RASAL1: variants seen among roughly 807,000 people sequenced by gnomAD.
RASAL1 encodes the protein RAS protein activator like 1, also known as rasGAP-activating-like protein 1.
RASAL1 carries 72 observed loss-of-function variants against 96.6 expected under a neutral mutation model. That is an observed-to-expected ratio of 0.75 (90% confidence interval 0.62 to 0.91). The LOEUF (loss-of-function observed/expected upper bound fraction) is 0.91. RASAL1 is among the 40% of genes least tolerant of loss of function. RASAL1 has a pLI of 0.00. For missense variants in RASAL1, 1,016 were observed against 1,072.5 expected (o/e 0.95, Z 0.74); for synonymous variants, 405 against 430.4 (o/e 0.94, Z 0.73).
At chr12:113,123,276 C>T (rs184131828) in intron 4 of RASAL1, among the ~76,000 whole-genome samples, 14 of 152,198 alleles carry the variant, frequency 9.2e-5, no homozygotes, top group African/African-American at 3.4e-4. Context: ...CTGACTATTG[C>T]CCATGGTGTC....
intron 4 of RASAL1, among the ~76,000 whole-genome samples, chr12:113,122,008 C>A (rs1465940081): frequency 2.0e-5 from 3 of 152,150 alleles, no homozygotes; most frequent in African/African-American, 4.8e-5. Flanking sequence ...CAGGCATGAG[C>A]CACTATGTCC....
chr12:113,120,933 C>T (rs1951272821), intron 5 of RASAL1, among the ~76,000 whole-genome samples: 1 of 152,136 alleles, frequency 6.6e-6, no homozygotes, highest in Non-Finnish European at 1.5e-5. Flanking sequence ...TGTGCCCCAG[C>T]TTGAGCCAGT....
rs753586566 is a variant in RASAL1, at chr12:113,107,108, T to A, written c.1646A>T (p.Asp549Val). 1.2e-6 allele frequency: 2 copies of A among 1,612,496 alleles called. No individual in the cohort carries two copies. Among genetic ancestry groups the A allele is most frequent in the South Asian group, 2.2e-5 (2 of 90,768 alleles). ...CCACAGGAACTCACCTTCATCCCCA[T>A]CCACATCCACCAGCCGGTCCAGGAA... ...RDFLDRLVDV[D>V]GDEEAGVPAR... The change falls in exon 15 of 21, where the codon GAT (aspartate) becomes GTT (valine). Residue 549 changes from aspartate to valine, a missense_variant. By Grantham distance (152) the Asp-to-Val change is radical (BLOSUM62 -3). Transcript: ENST00000548055.
In RASAL1 at chr12:113,129,605, G is replaced by C. The variant is rs1434515679; in HGVS notation, c.122+1280C>G. On this transcript the variant is annotated intron_variant, in intron 2 of 20. Transcript: ENST00000548055. The surrounding 1 kb of genome is among the most constrained non-coding windows in gnomAD (Gnocchi z 5.0). Reference sequence around the variant, plus strand: ...GCAGAGAACAGATTCTACTTGCCCGGTAAAGACACACCCACATTTGTGGAT... The same window carrying C: ...GCAGAGAACAGATTCTACTTGCCCGCTAAAGACACACCCACATTTGTGGAT... Among the ~76,000 whole-genome samples the C allele has an allele frequency of 6.6e-6, 1 of 152,208 alleles. No homozygotes were observed. Among genetic ancestry groups the C allele is most frequent in the East Asian group, 1.9e-4 (1 of 5,186 alleles).
intron 16 of RASAL1, 138 bp from the exon 17 acceptor site, chr12:113,104,436 T>C: frequency 3.9e-6 from 3 of 772,932 alleles, no homozygotes; most frequent in Non-Finnish European, 6.2e-6. Flanking sequence ...GTGCTCTGTG[T>C]GCTCGTCCAT....
chr12:113,100,664 C>T lies in RASAL1; in HGVS notation c.2242G>A (p.Asp748Asn). The change falls in exon 20 of 21, where the codon GAT (aspartate) becomes AAT (asparagine). Residue 748 changes from aspartate (D) to asparagine (N), a missense_variant. Asp to Asn is a conservative substitution (Grantham distance 23). Transcript: ENST00000548055. ...TCCAGAGTTGTATCCATGTTAGAATCCTCCAGTAATTTCAGCCTGGAAGGT... is the reference window on the plus strand; with the variant it reads ...TCCAGAGTTGTATCCATGTTAGAATTCTCCAGTAATTTCAGCCTGGAAGGT... Reference protein sequence around the residue: ...RDQLRLKLLEDSNMDTTLEAD... With the variant: ...RDQLRLKLLENSNMDTTLEAD... The T allele has an allele frequency of 6.2e-7, 1 of 1,609,826 alleles. No individual in the cohort carries two copies. Among genetic ancestry groups the T allele is most frequent in the Non-Finnish European group, 8.5e-7 (1 of 1,176,788 alleles).
upstream of RASAL1, among the ~76,000 whole-genome samples, chr12:113,136,752 C>T (rs980869645): frequency 7.2e-5 from 11 of 152,212 alleles, no homozygotes; most frequent in African/African-American, 2.7e-4. Flanking sequence ...TAATACACGT[C>T]CAGAAAGTGT....
chr12:113,123,459 C>T (rs1951368210), intron 4 of RASAL1, among the ~76,000 whole-genome samples: 1 of 152,218 alleles, frequency 6.6e-6, no homozygotes, highest in South Asian at 2.1e-4. Context: ...TAACATCCAC[C>T]CTGCCCCTTG....
intron 12 of RASAL1, among the ~76,000 whole-genome samples, chr12:113,112,901 G>A (rs1010477860): frequency 9.2e-5 from 14 of 152,156 alleles, no homozygotes; most frequent in Admixed American, 2.0e-4. Flanking sequence ...GCAGTGAGTC[G>A]AGATCGCACC....
At chr12:113,123,920 C>T (rs1353432580) in intron 4 of RASAL1, among the ~76,000 whole-genome samples, 6 of 152,000 alleles carry the variant, frequency 3.9e-5, no homozygotes, top group Non-Finnish European at 7.4e-5. Flanking sequence ...AGGGATTTCC[C>T]GTTCTATAAA....
intron 4 of RASAL1, among the ~76,000 whole-genome samples, chr12:113,127,395 C>T (rs996799202): frequency 6.6e-6 from 1 of 152,260 alleles, no homozygotes. Context: ...CTTGTACTCC[C>T]AACACTTTGG....
At chr12:113,117,224 G>T in intron 7 of RASAL1, 63 bp from the exon 8 acceptor site, 2 of 1,287,542 alleles carry the variant, frequency 1.6e-6, no homozygotes, top group Non-Finnish European at 2.2e-6. Flanking sequence ...GCCTGGCTCA[G>T]GTCTCACCTA....
In RASAL1 at chr12:113,108,121, G is replaced by T; in HGVS notation, c.1476C>A (p.Asp492Glu). 6.2e-7 allele frequency: 1 copy of T among 1,613,784 alleles called. No homozygotes were observed. Among genetic ancestry groups the T allele is most frequent in the Non-Finnish European group, 8.5e-7 (1 of 1,179,882 alleles). ...KLFDLRDQHA[D>E]PQTSRSLLLL... ...ACAGCAGTGAGCGGCTAGTCTGGGG[G>T]TCCGCGTGTTGGTCCCGAAGGTCAA... Residue 492 changes from aspartate (D) to glutamate (E), a missense_variant, in exon 14 of 21, where the codon GAC becomes GAA. Transcript: ENST00000548055.
chr12:113,105,044 G>A (rs1950598928), intron 16 of RASAL1, among the ~76,000 whole-genome samples: 1 of 152,246 alleles, frequency 6.6e-6, no homozygotes, highest in African/African-American at 2.4e-5. Context: ...GGAACCCAGA[G>A]AACTGACCCC....
chr12:113,115,806 A>G lies in RASAL1; in HGVS notation c.850-18T>C. ...GTGTCCTCCTGGGTGGGGGCGGGAG[A>G]CAAAGATGACCTCGGCCCCTGGGAC... On this transcript the variant is annotated intron_variant, in intron 9 of 20. Coordinates refer to ENST00000548055, the MANE Select transcript of RASAL1 (RefSeq NM_001301202.2). This position sits in a 1 kb window ranked among gnomAD's most constrained non-coding sequence, Gnocchi z 4.1. 8.7e-6 allele frequency: 14 copies of G among 1,613,494 alleles called. No homozygotes were observed. Among genetic ancestry groups the G allele is most frequent in the Non-Finnish European group, 1.2e-5 (14 of 1,179,642 alleles).
At chr12:113,110,239 G>A (rs1057355460) in intron 13 of RASAL1, among the ~76,000 whole-genome samples, 5 of 152,198 alleles carry the variant, frequency 3.3e-5, no homozygotes, top group Non-Finnish European at 5.9e-5. Flanking sequence ...GACCCCAGCT[G>A]GGAGTCTAGA....
At chr12:113,132,236 G>C (rs1392309657) in intron 1 of RASAL1, among the ~76,000 whole-genome samples, 1 of 152,060 alleles carries the variant, frequency 6.6e-6, no homozygotes, top group African/African-American at 2.4e-5. Context: ...GCCTCCCAAA[G>C]TGTTGGGATT....
chr12:113,118,533 TG>T (rs1951171247), intron 7 of RASAL1, among the ~76,000 whole-genome samples: 1 of 152,196 alleles, frequency 6.6e-6, no homozygotes, highest in Non-Finnish European at 1.5e-5. Flanking sequence ...AGAGTGGAAT[TG>T]CTAGGTCATA....
rs1293378498 is a variant in RASAL1 at position 113,130,597 on chromosome 12, A to G, written c.122+288T>C. On this transcript the variant is annotated intron_variant, in intron 2 of 20. Transcript: ENST00000548055. This position sits in a 1 kb window ranked among gnomAD's most constrained non-coding sequence, Gnocchi z 5.1. ...AGGCCCGGAACCAACCAGTCCAGCC[A>G]AGCGTGAGATGCCCGCCCCCAGGGA... Among the ~76,000 whole-genome samples, 1 of 152,106 alleles carries G rather than the reference A, an allele frequency of 6.6e-6. No individual in the cohort carries two copies. Among genetic ancestry groups the G allele is most frequent in the Non-Finnish European group, 1.5e-5 (1 of 68,016 alleles).
Sources: allele counts gnomAD v4.1 joint callset (sites outside exome capture counted in the v4.1 genomes callset), GRCh38; gene constraint gnomAD v4.1.1; non-coding constraint Gnocchi (gnomAD v3.1); transcripts MANE v1.5; gene names NCBI Gene and HGNC (gene_info 2026-07-23, HGNC 2026-07-21).